FAM3D: variants seen among roughly 807,000 people sequenced by gnomAD.
FAM3D encodes the protein protein FAM3D.
In FAM3D, 26 loss-of-function variants were observed where a neutral mutation model predicts 29.8. The observed-to-expected ratio is 0.87, with a 90% confidence interval of 0.64 to 1.21. The LOEUF is 1.21. FAM3D is among the 50% of genes most tolerant of loss of function. The pLI is 0.00. For synonymous variants in FAM3D, 115 were observed against 102.3 expected, an observed-to-expected ratio of 1.12 and a Z score of -0.75; for missense variants, 253 against 290.9, an observed-to-expected ratio of 0.87 and a Z score of 0.95.
At chr3:58,644,831 C>G (rs1315158480) in intron 5 of FAM3D, among the ~76,000 whole-genome samples, 1 of 152,178 alleles carries the variant, frequency 6.6e-6, no homozygotes. Context: ...GGGTGATAGA[C>G]AGCCCTGATG....
chr3:58,648,146 G>T lies in FAM3D; in HGVS notation c.145+1169C>A, dbSNP rs556552432. Among the ~76,000 whole-genome samples, 63 of 152,344 alleles carry T rather than the reference G, an allele frequency of 4.1e-4. No homozygotes were observed. The South Asian group carries it at 0.013, about 32-fold the overall frequency. On this transcript the variant is annotated intron_variant, in intron 4 of 9. Coordinates refer to ENST00000358781, the MANE Select transcript of FAM3D (RefSeq NM_138805.3). ...TATCCCCCCAGCAGGTGATGTCTAA[G>T]TGTTTGATAGCAACAAGATGCTGTG...
intron 1 of FAM3D, among the ~76,000 whole-genome samples, chr3:58,661,464 C>T (rs535310564): frequency 9.3e-4 from 141 of 152,334 alleles, no homozygotes; most frequent in African/African-American, 3.3e-3. Context: ...GGAGACTTTC[C>T]TCCCATTCAC....
At chr3:58,646,996 C>T (rs1172435018) in intron 4 of FAM3D, among the ~76,000 whole-genome samples, 1 of 152,160 alleles carries the variant, frequency 6.6e-6, no homozygotes, top group Non-Finnish European at 1.5e-5. Flanking sequence ...GGGCACAACC[C>T]ACTGGTGCCA....
chr3:58,638,679 C>T (rs183180740), intron 7 of FAM3D, among the ~76,000 whole-genome samples: 4 of 152,316 alleles, frequency 2.6e-5, no homozygotes, highest in Non-Finnish European at 4.4e-5. Flanking sequence ...ACTGCCCTGT[C>T]CCCAGGTCAT....
chr3:58,661,583 C>T (rs2066930313), intron 1 of FAM3D, among the ~76,000 whole-genome samples: 1 of 152,158 alleles, frequency 6.6e-6, no homozygotes, highest in Non-Finnish European at 1.5e-5. Context: ...GCAGAGGCCT[C>T]GTGTGGCCTG....
intron 1 of FAM3D, among the ~76,000 whole-genome samples, chr3:58,663,239 C>G (rs191263299): frequency 6.6e-6 from 1 of 152,190 alleles, no homozygotes; most frequent in Non-Finnish European, 1.5e-5. Context: ...GAGAGAGGAG[C>G]TGCCTTTCTG....
chr3:58,654,096 T>TAG (rs1403588362), intron 2 of FAM3D, among the ~76,000 whole-genome samples: 1 of 152,240 alleles, frequency 6.6e-6, no homozygotes, highest in East Asian at 1.9e-4. Flanking sequence ...GCCAGCATTC[T>TAG]AGACCTTTCT....
At chr3:58,650,038 AT>A (rs954087034) in intron 3 of FAM3D, among the ~76,000 whole-genome samples, 2 of 152,166 alleles carry the variant, frequency 1.3e-5, no homozygotes, top group African/African-American at 4.8e-5. Context: ...CACAGTGCAT[AT>A]TGTCTGCACT....
intron 1 of FAM3D, among the ~76,000 whole-genome samples, chr3:58,662,783 C>T (rs1267148629): frequency 1.3e-5 from 2 of 152,334 alleles, no homozygotes; most frequent in East Asian, 3.9e-4. Context: ...CCTTCTCTGG[C>T]TCCAGGGGTG....
intron 1 of FAM3D, among the ~76,000 whole-genome samples, chr3:58,660,939 A>G (rs537134660): frequency 6.6e-6 from 1 of 152,330 alleles, no homozygotes; most frequent in East Asian, 1.9e-4. Context: ...AACCCAGGCG[A>G]TATGTGTCAG....
chr3:58,638,138 C>A (rs2066227996), intron 7 of FAM3D, among the ~76,000 whole-genome samples: 1 of 152,198 alleles, frequency 6.6e-6, no homozygotes, highest in Non-Finnish European at 1.5e-5. Context: ...CCTGTCTCGA[C>A]CTCCCAAAGT....
At chr3:58,646,290 C>A (rs534199647) in intron 4 of FAM3D, among the ~76,000 whole-genome samples, 2 of 152,234 alleles carry the variant, frequency 1.3e-5, no homozygotes, top group Non-Finnish European at 2.9e-5. Context: ...GGTTCTCCCA[C>A]TGGGAGCTCA....
At chr3:58,664,196 T>A (rs1265316444) in intron 1 of FAM3D, among the ~76,000 whole-genome samples, 1 of 152,242 alleles carries the variant, frequency 6.6e-6, no homozygotes, top group African/African-American at 2.4e-5. Context: ...GCAAAGTTAT[T>A]GTATTTAAAC....
chr3:58,649,307 AT>A lies in FAM3D; in HGVS notation c.145+7del. 4 of 1,613,500 alleles carry A rather than the reference AT, an allele frequency of 2.5e-6. No homozygotes were observed. Among genetic ancestry groups the A allele is most frequent in the Non-Finnish European group, 3.4e-6 (4 of 1,179,702 alleles). ...TCGGGGGAGGTGTGGGGCTGCACAG[AT>A]ACTCACGGATCTCCTTGGTGGGCGA... On this transcript the variant is annotated splice_region_variant and intron_variant, in intron 4 of 9. Transcript: ENST00000358781.
intron 3 of FAM3D, among the ~76,000 whole-genome samples, chr3:58,652,042 A>G (rs1338594028): frequency 6.6e-6 from 1 of 152,182 alleles, no homozygotes; most frequent in Non-Finnish European, 1.5e-5. Context: ...GATGTTTGTG[A>G]TGATGTCAAT....
intron 7 of FAM3D, among the ~76,000 whole-genome samples, 180 bp from the exon 8 acceptor site, chr3:58,637,405 G>C (rs941258756): frequency 6.6e-6 from 1 of 152,126 alleles, no homozygotes; most frequent in African/African-American, 2.4e-5. Context: ...TCCTAGGGGA[G>C]GGCAGAGTGA....
At chr3:58,653,628 C>T (rs2066709001) in intron 3 of FAM3D, 46 bp downstream of exon 3, 1 of 1,560,108 alleles carries the variant, frequency 6.4e-7, no homozygotes, top group African/African-American at 1.4e-5. Flanking sequence ...CTTCGGCCCC[C>T]AGGCCTGGTC....
intron 6 of FAM3D, among the ~76,000 whole-genome samples, chr3:58,640,944 A>G (rs1406672122): frequency 6.6e-6 from 1 of 151,884 alleles, no homozygotes; most frequent in African/African-American, 2.4e-5. Flanking sequence ...CGTGAACGGA[A>G]TGCTTCACCT....
chr3:58,643,831 T>C (rs1575476400), intron 5 of FAM3D, 111 bp from the exon 6 acceptor site: 1 of 935,504 alleles, frequency 1.1e-6, no homozygotes, highest in East Asian at 2.4e-5. Context: ...GCAGAAGCAT[T>C]GGGAAACACA....
Sources: allele counts gnomAD v4.1 joint callset (sites outside exome capture counted in the v4.1 genomes callset), GRCh38; gene constraint gnomAD v4.1.1; transcripts MANE v1.5; gene names NCBI Gene and HGNC (gene_info 2026-07-23, HGNC 2026-07-21).